The following TMEM200C variants were observed in gnomAD, a reference collection of about 807,000 sequenced individuals.
TMEM200C encodes transmembrane protein 200C, also known as transmembrane protein TTMA.
For missense variants in TMEM200C, 966 were observed against 699.9 expected, an observed-to-expected ratio of 1.38 and a Z score of -4.29; for synonymous variants, 462 against 324.7, an observed-to-expected ratio of 1.42 and a Z score of -4.55.
exon 3 of TMEM200C, chr18:5,885,396 C>T (rs935801765): frequency 6.6e-6 from 1 of 152,136 alleles, no homozygotes; most frequent in Non-Finnish European, 1.5e-5. Context: ...ATCTTACTAA[C>T]GAATCAGCCC....
Position 5,891,307 on chromosome 18 carries a change from A to G in TMEM200C, c.757T>C (p.Tyr253His). 1 of 1,409,550 alleles carries G rather than the reference A, an allele frequency of 7.1e-7. No individual in the cohort carries two copies. The highest frequency in any genetic ancestry group is 9.3e-7 in the Non-Finnish European group (1 of 1,076,466). The allele number at this position is 1,409,550 out of a possible 1,614,324, so 87.3% of individuals were successfully genotyped here. A position where few individuals can be genotyped will look rare whatever the true frequency, so the allele number is the denominator to read the frequency against. The change falls in exon 3 of 3, where the codon TAC (tyrosine) becomes CAC (histidine). Residue 253 changes from tyrosine (Y) to histidine (H), a missense_variant. Transcript: ENST00000581347. This position sits in a 1 kb window ranked among gnomAD's most constrained non-coding sequence, Gnocchi z 4.7. Reference sequence around the variant, plus strand: ...AGCTCCAGGCCCCGCGACTGCACGTAGCTGAGGAAGCCGTTGAGCGGTATG... The same window carrying G: ...AGCTCCAGGCCCCGCGACTGCACGTGGCTGAGGAAGCCGTTGAGCGGTATG...
rs778699887 is a variant in TMEM200C, at chr18:5,890,549, G to A, written c.1515C>T (p.Ser505=). 6.9e-6 allele frequency: 10 copies of A among 1,452,928 alleles called. No individual in the cohort carries two copies. The Admixed American group carries it at 2.0e-4, about 29-fold the overall frequency. The allele number at this position is 1,452,928 out of a possible 1,614,324, so 90.0% of individuals were successfully genotyped here. ...CCTCCAGCCGCAGGGGTGGCGAGGG[G>A]GAGGCGGCCTTGGCCAGAGGGCTGG... The change falls in exon 3 of 3, where the codon TCC becomes TCT. Residue 505 remains serine (S), a synonymous_variant. Coordinates refer to ENST00000581347, the Ensembl canonical transcript of TMEM200C.
At chr18:5,882,937 A>T (rs1405798162) in exon 3 of TMEM200C, 1 of 152,136 alleles carries the variant, frequency 6.6e-6, no homozygotes, top group East Asian at 1.9e-4. Flanking sequence ...AGGTCACCAA[A>T]TTAGTCTTTT....
chr18:5,892,052 G>A (rs1452366356), exon 3 of TMEM200C: 2 of 1,612,846 alleles, frequency 1.2e-6, no homozygotes, highest in Non-Finnish European at 1.7e-6. Flanking sequence ...GCAGGCCGCC[G>A]GTGGCGATCA....
At chr18:5,895,568 GC>G (rs2095175357) in intron 1 of TMEM200C, 46 bp from the exon 1 acceptor site, 1 of 109,736 alleles carries the variant, frequency 9.1e-6, no homozygotes, top group Non-Finnish European at 2.0e-5. Context: ...GGGCGCCCCC[GC>G]CCCCGCCCCC....
At chr18:5,895,613 G>A (rs1322383225) in intron 1 of TMEM200C, 91 bp from the exon 1 acceptor site, 1 of 51,866 alleles carries the variant, frequency 1.9e-5, no homozygotes, top group Admixed American at 2.5e-4. Flanking sequence ...CCCCCCCCAC[G>A]CCGCCGGCCT....
At chr18:5,883,432 T>C (rs1006265130) in exon 3 of TMEM200C, 3 of 152,124 alleles carry the variant, frequency 2.0e-5, no homozygotes, top group Non-Finnish European at 4.4e-5. Context: ...CAAATCTGTT[T>C]TCAGTGACTA....
chr18:5,893,970 T>C (rs1940605), intron 2 of TMEM200C, among the ~76,000 whole-genome samples: 58,720 of 152,162 alleles, frequency 0.39, 12,156 homozygotes, highest in Middle Eastern at 0.5. Flanking sequence ...ACATTTATTA[T>C]GTGGTTGTAA....
exon 3 of TMEM200C, chr18:5,886,318 A>G (rs1467352741): frequency 2.0e-5 from 3 of 152,196 alleles, no homozygotes; most frequent in Non-Finnish European, 2.9e-5. Flanking sequence ...TGATACGGCT[A>G]GCCTCAATAA....
chr18:5,889,452 T>G (rs948285640), exon 3 of TMEM200C: 1 of 152,166 alleles, frequency 6.6e-6, no homozygotes, highest in African/African-American at 2.4e-5. Flanking sequence ...TAAAAAAGAT[T>G]TTAAATATTA....
intron 2 of TMEM200C, among the ~76,000 whole-genome samples, chr18:5,894,075 A>AT (rs1426860216): frequency 1.3e-5 from 2 of 152,142 alleles, no homozygotes; most frequent in Non-Finnish European, 2.9e-5. Flanking sequence ...AGGACCAGAC[A>AT]TTTTTTAGAA....
intron 2 of TMEM200C, among the ~76,000 whole-genome samples, chr18:5,894,634 G>T (rs764108316): frequency 1.3e-5 from 2 of 152,228 alleles, no homozygotes; most frequent in Non-Finnish European, 2.9e-5. Context: ...CCCACTCTGA[G>T]GCTCGGAGGC....
chr18:5,890,968 T>G (rs1172757171), exon 3 of TMEM200C: 1 of 660,584 alleles, frequency 1.5e-6, no homozygotes, highest in Non-Finnish European at 2.7e-6. Flanking sequence ...CTGGCCGTGC[T>G]CTGGCGCCCC....
rs1007598618 is a variant in TMEM200C, at chr18:5,891,166, C to T, written c.898G>A (p.Ala300Thr). 1 of 599,740 alleles carries T rather than the reference C, an allele frequency of 1.7e-6. No homozygotes were observed. Among genetic ancestry groups the T allele is most frequent in the Non-Finnish European group, 2.4e-6 (1 of 409,836 alleles). The allele number at this position is 599,740 out of a possible 1,614,324, so 37.2% of individuals were successfully genotyped here. A position where few individuals can be genotyped will look rare whatever the true frequency, so the allele number is the denominator to read the frequency against. Residue 300 changes from alanine to threonine, a missense_variant, in exon 3 of 3, where the codon GCG becomes ACG. Ala to Thr is a moderately conservative substitution (Grantham distance 58, BLOSUM62 0). Coordinates refer to ENST00000581347, the Ensembl canonical transcript of TMEM200C. This position sits in a 1 kb window ranked among gnomAD's most constrained non-coding sequence, Gnocchi z 4.7. ...GAAGAGGCCAGGTCCGGCGGGGACG[C>T]GGCGCCCCGAGGGCGGCCGCCGCTC...
At chr18:5,893,700 A>C (rs1408537552) in intron 2 of TMEM200C, among the ~76,000 whole-genome samples, 1 of 152,184 alleles carries the variant, frequency 6.6e-6, no homozygotes, top group Non-Finnish European at 1.5e-5. Context: ...TTGGCCCTTG[A>C]GTTCCTCCAT....
chr18:5,890,732 G>T (rs1293946717), exon 3 of TMEM200C: 13 of 547,390 alleles, frequency 2.4e-5, no homozygotes, highest in Non-Finnish European at 2.9e-5. Flanking sequence ...CCGCTACCGC[G>T]CCCTCGGGCT....
In TMEM200C at chr18:5,891,313, G is replaced by A. The variant is rs1418886084; in HGVS notation, c.751C>T (p.Leu251Phe). The change falls in exon 3 of 3, where the codon CTC (leucine) becomes TTC (phenylalanine). Residue 251 changes from leucine to phenylalanine, a missense_variant. Physicochemically the swap from Leu to Phe is conservative, Grantham distance 22. Coordinates refer to ENST00000581347, the Ensembl canonical transcript of TMEM200C. This position sits in a 1 kb window ranked among gnomAD's most constrained non-coding sequence, Gnocchi z 4.7. ...AGGCCCCGCGACTGCACGTAGCTGA[G>A]GAAGCCGTTGAGCGGTATGGCCCCG... 5.0e-6 allele frequency: 7 copies of A among 1,409,852 alleles called. 1 individual carries two copies. The highest frequency in any genetic ancestry group is 3.0e-5 in the South Asian group (2 of 65,694). 87.3% of individuals were successfully genotyped at this position (1,409,852 alleles called of 1,614,324 possible). A position where few individuals can be genotyped will look rare whatever the true frequency, so the allele number is the denominator to read the frequency against.
chr18:5,890,192 C>A (rs779045526), exon 3 of TMEM200C: 14 of 1,524,350 alleles, frequency 9.2e-6, no homozygotes, highest in Non-Finnish European at 1.2e-5. Flanking sequence ...CAACCCACCC[C>A]TTTCTCTAAA....
chr18:5,890,937 A>G (rs905041545), exon 3 of TMEM200C: 5 of 673,750 alleles, frequency 7.4e-6, no homozygotes, highest in Non-Finnish European at 1.3e-5. Context: ...GAAGGCGCTC[A>G]GCGAGGAGTC....
Sources: allele counts gnomAD v4.1 joint callset (sites outside exome capture counted in the v4.1 genomes callset), GRCh38; gene constraint gnomAD v4.1.1; non-coding constraint Gnocchi (gnomAD v3.1); transcripts MANE v1.5; gene names NCBI Gene and HGNC (gene_info 2026-07-23, HGNC 2026-07-21).